The following KLF8 variants were observed in gnomAD, a reference collection of about 807,000 sequenced individuals.
KLF8 encodes the protein Krueppel-like factor 8.
KLF8 carries 10 observed loss-of-function variants against 18.2 expected under a neutral mutation model. The ratio of observed to expected loss-of-function variants is 0.55; its 90% confidence interval spans 0.34 to 0.93. The LOEUF is 0.93. KLF8 is among the 40% of genes least tolerant of loss of function. The probability of loss-of-function intolerance (pLI) is 0.02; values close to 1 mark genes in which losing one functional copy is unlikely to be tolerated. For synonymous variants in KLF8, 109 were observed against 97.3 expected (o/e 1.12, Z -0.71); for missense variants, 264 against 277.9 (o/e 0.95, Z 0.36).
chrX:56,229,877 T>G (rs2066389313), upstream of KLF8, among the ~76,000 whole-genome samples: 1 of 112,022 alleles, frequency 8.9e-6, no homozygotes, highest in African/African-American at 3.2e-5. Context: ...ATTGACTGAA[T>G]AGATGAAAGA....
At chrX:56,139,387 C>T in the KLF8 span, among the ~76,000 whole-genome samples, 1 of 111,784 alleles carries the variant, frequency 8.9e-6, no homozygotes, top group Non-Finnish European at 1.9e-5. Context: ...CATCACAATA[C>T]CTGATTTCAA....
the KLF8 span, among the ~76,000 whole-genome samples, chrX:55,948,107 G>T: frequency 8.9e-6 from 1 of 112,101 alleles, no homozygotes; most frequent in African/African-American, 3.2e-5. Context: ...TTGCAAACAG[G>T]TTTATTTTTT....
the KLF8 span, among the ~76,000 whole-genome samples, chrX:56,070,207 A>G: frequency 9.0e-6 from 1 of 110,761 alleles, no homozygotes; most frequent in Non-Finnish European, 1.9e-5. Context: ...AAAAGAACAC[A>G]TGGACACAGG....
the KLF8 span, among the ~76,000 whole-genome samples, chrX:56,132,761 CTGTT>C: frequency 9.0e-6 from 1 of 111,321 alleles, no homozygotes; most frequent in Middle Eastern, 4.2e-3. Context: ...AACTGATAGA[CTGTT>C]AGGAGGGTTA....
the KLF8 span, among the ~76,000 whole-genome samples, chrX:55,983,106 G>A: frequency 9.0e-6 from 1 of 111,290 alleles, no homozygotes; most frequent in South Asian, 3.8e-4. Flanking sequence ...ACTACTTTCT[G>A]GCTCATGGGT....
At chrX:56,069,836 A>G in the KLF8 span, among the ~76,000 whole-genome samples, 6 of 112,330 alleles carry the variant, frequency 5.3e-5, no homozygotes, top group Non-Finnish European at 1.1e-4. Flanking sequence ...GTCCTGCTTC[A>G]GTGTGACGAT....
At chrX:55,993,710 T>C in the KLF8 span, among the ~76,000 whole-genome samples, 1 of 111,339 alleles carries the variant, frequency 9.0e-6, no homozygotes, top group Non-Finnish European at 1.9e-5. Context: ...TAGTAAAATA[T>C]GGCTGTGGAT....
the KLF8 span, among the ~76,000 whole-genome samples, chrX:55,914,615 C>G: frequency 7.2e-5 from 8 of 111,405 alleles, no homozygotes; most frequent in African/African-American, 2.6e-4. Context: ...TCAGAGAAGA[C>G]TTGCTAGAGG....
the KLF8 span, among the ~76,000 whole-genome samples, chrX:56,174,926 T>C: frequency 2.0e-4 from 22 of 112,124 alleles, no homozygotes; most frequent in Admixed American, 1.5e-3. Flanking sequence ...TGTATTTCTG[T>C]GGGATCAGTG....
At chrX:56,209,673 T>C in the KLF8 span, among the ~76,000 whole-genome samples, 1 of 111,766 alleles carries the variant, frequency 8.9e-6, no homozygotes, top group Non-Finnish European at 1.9e-5. Context: ...TTTTATTATG[T>C]GTTTTCTGTT....
chrX:56,211,468 G>A, the KLF8 span, among the ~76,000 whole-genome samples: 1 of 112,288 alleles, frequency 8.9e-6, no homozygotes, highest in African/African-American at 3.2e-5. Context: ...TGAATATACT[G>A]GGTCACACCT....
At chrX:55,987,790 TG>T in the KLF8 span, among the ~76,000 whole-genome samples, 1 of 112,339 alleles carries the variant, frequency 8.9e-6, no homozygotes, top group Non-Finnish European at 1.9e-5. Flanking sequence ...ACTTCCACAA[TG>T]GTTGAACTAG....
chrX:55,971,534 A>C, the KLF8 span, among the ~76,000 whole-genome samples: 5 of 111,080 alleles, frequency 4.5e-5, no homozygotes, highest in Non-Finnish European at 9.5e-5. Flanking sequence ...CCACAAAAAC[A>C]TGCATCTAAA....
At chrX:55,968,097 C>G in the KLF8 span, among the ~76,000 whole-genome samples, 2 of 111,244 alleles carry the variant, frequency 1.8e-5, no homozygotes, top group Middle Eastern at 4.6e-3. Flanking sequence ...AAACATTGGG[C>G]TTAATCTACA....
At chrX:56,136,119 G>A in the KLF8 span, among the ~76,000 whole-genome samples, 1 of 111,356 alleles carries the variant, frequency 9.0e-6, no homozygotes, top group Non-Finnish European at 1.9e-5. Flanking sequence ...ACAAATGGAA[G>A]AACATTCCAT....
At chrX:56,063,597 G>C in the KLF8 span, among the ~76,000 whole-genome samples, 1 of 111,775 alleles carries the variant, frequency 8.9e-6, no homozygotes, top group South Asian at 3.7e-4. Context: ...AGATGTCCCT[G>C]CTGGGAGGTG....
chrX:56,254,531 AC>A (rs1402687281), intron 2 of KLF8, among the ~76,000 whole-genome samples: 4 of 111,968 alleles, frequency 3.6e-5, no homozygotes, highest in African/African-American at 9.7e-5. Context: ...AGCCTTCTGC[AC>A]CCACACTGAA....
chrX:56,202,109 A>T, the KLF8 span, among the ~76,000 whole-genome samples: 1 of 111,385 alleles, frequency 9.0e-6, no homozygotes, highest in South Asian at 3.8e-4. Context: ...GAGAGTGAGT[A>T]TGAAGAAGGC....
the KLF8 span, among the ~76,000 whole-genome samples, chrX:55,911,806 G>T: frequency 8.9e-6 from 1 of 112,102 alleles, no homozygotes; most frequent in African/African-American, 3.2e-5. Context: ...TTGTCCTTGT[G>T]ACTCCCTTTT....
Sources: allele counts gnomAD v4.1 joint callset (sites outside exome capture counted in the v4.1 genomes callset), GRCh38; gene constraint gnomAD v4.1.1; transcripts MANE v1.5; gene names NCBI Gene and HGNC (gene_info 2026-07-23, HGNC 2026-07-21).